Variants in CHRM2 observed in about 807,000 individuals in gnomAD.
CHRM2 encodes muscarinic acetylcholine receptor M2.
A neutral mutation model predicts 25.0 loss-of-function variants in CHRM2; 8 were observed. The ratio of observed to expected loss-of-function variants is 0.32; its 90% CI spans 0.19 to 0.58. CHRM2 has a LOEUF of 0.58. CHRM2 is among the 20% of genes least tolerant of loss of function. The pLI is 0.88. For missense variants in CHRM2, 440 were observed against 567.1 expected, an observed-to-expected ratio of 0.78 and a Z score of 2.28; for synonymous variants, 202 against 205.7, an observed-to-expected ratio of 0.98 and a Z score of 0.15.
chr7:137,004,453 G>A (rs893936665), intron 3 of CHRM2, among the ~76,000 whole-genome samples: 1 of 152,252 alleles, frequency 6.6e-6, no homozygotes, highest in South Asian at 2.1e-4. Flanking sequence ...CAGGTATTTG[G>A]AGAGTCTGGA....
In CHRM2 at chr7:136,918,585, T is replaced by A. The variant is rs142499371; in HGVS notation, c.-125+49167T>A. On this transcript the variant is annotated intron_variant, in intron 2 of 3. Transcript: ENST00000680005. ...AAGTAACAGTTTTTTAAAAAAATAT[T>A]TATTTATTTACTTATTTATTTTATT... Among the ~76,000 whole-genome samples the A allele has an allele frequency of 1.9e-3, 289 of 152,078 alleles. 1 individual carries two copies. The highest frequency in any genetic ancestry group is 6.6e-3 in the African/African-American group (274 of 41,504).
intron 3 of CHRM2, among the ~76,000 whole-genome samples, chr7:137,008,487 A>G (rs1804594916): frequency 6.6e-6 from 1 of 152,052 alleles, no homozygotes; most frequent in African/African-American, 2.4e-5. Flanking sequence ...CTATTCTATC[A>G]GTTTTGGTCA....
At chr7:136,969,585 T>C (rs1801632433) in intron 2 of CHRM2, among the ~76,000 whole-genome samples, 1 of 152,188 alleles carries the variant, frequency 6.6e-6, no homozygotes, top group African/African-American at 2.4e-5. Context: ...GCACACATTC[T>C]TGTCTTCTGA....
intron 2 of CHRM2, among the ~76,000 whole-genome samples, chr7:136,892,661 A>G (rs1796737078): frequency 6.9e-6 from 1 of 145,914 alleles, no homozygotes; most frequent in Non-Finnish European, 1.5e-5. Context: ...AAGTGCTCTT[A>G]TTAAAAGTTC....
chr7:136,975,565 A>G (rs146533353), intron 2 of CHRM2, among the ~76,000 whole-genome samples: 252 of 152,346 alleles, frequency 1.7e-3, no homozygotes, highest in African/African-American at 5.9e-3. Context: ...AATAAAACAT[A>G]ACAAAACCCA....
chr7:136,937,723 T>G (rs78144727), intron 2 of CHRM2, among the ~76,000 whole-genome samples: 2,301 of 152,316 alleles, frequency 0.015, 52 homozygotes, highest in African/African-American at 0.053. Flanking sequence ...ATAAAGAATT[T>G]TCTTGTGATT....
chr7:137,004,074 A>G lies in CHRM2; in HGVS notation c.-46-10746A>G, dbSNP rs184757209. ...GGTATTTCTTCATAGCACTCTGAGAATGGACTAATACAATTGTGCTTCAAG... is the reference window on the plus strand; with the variant it reads ...GGTATTTCTTCATAGCACTCTGAGAGTGGACTAATACAATTGTGCTTCAAG... On this transcript the variant is annotated intron_variant, in intron 3 of 3. Transcript: ENST00000680005. 1.3e-3 allele frequency among the ~76,000 whole-genome samples: 204 copies of G among 152,240 alleles called. 2 individuals carry two copies. The highest frequency in any genetic ancestry group is 4.7e-3 in the African/African-American group (195 of 41,562).
At chr7:137,014,088 G>C (rs2131126388) in intron 3 of CHRM2, among the ~76,000 whole-genome samples, 1 of 152,006 alleles carries the variant, frequency 6.6e-6, no homozygotes, top group South Asian at 2.1e-4. Flanking sequence ...TTTATGCTTT[G>C]GAAAGTCTTA....
intron 2 of CHRM2, among the ~76,000 whole-genome samples, chr7:136,911,897 A>C (rs1044014422): frequency 5.9e-5 from 9 of 152,050 alleles, no homozygotes; most frequent in African/African-American, 2.2e-4. Flanking sequence ...TTGAATTCTC[A>C]CACTATCATC....
At chr7:136,916,237 G>A (rs1798102320) in intron 2 of CHRM2, among the ~76,000 whole-genome samples, 1 of 151,812 alleles carries the variant, frequency 6.6e-6, no homozygotes, top group Non-Finnish European at 1.5e-5. Flanking sequence ...GCAGAAAGCA[G>A]CAGCATAACT....
intron 2 of CHRM2, among the ~76,000 whole-genome samples, chr7:136,952,552 C>G (rs1800476971): frequency 1.3e-5 from 2 of 148,946 alleles, no homozygotes; most frequent in African/African-American, 5.0e-5. Context: ...CTTTAGGAAA[C>G]TGCCTCTCAG....
chr7:136,887,611 C>T (rs1013503579), intron 2 of CHRM2, among the ~76,000 whole-genome samples: 1 of 152,136 alleles, frequency 6.6e-6, no homozygotes, highest in African/African-American at 2.4e-5. Context: ...CTAAACTTGT[C>T]TCTTGAATCA....
intron 2 of CHRM2, among the ~76,000 whole-genome samples, chr7:136,939,068 A>C (rs1476826089): frequency 1.3e-5 from 2 of 151,914 alleles, no homozygotes; most frequent in African/African-American, 4.8e-5. Flanking sequence ...TCCTTTCATA[A>C]CTTCATTCAG....
chr7:136,970,182 G>A (rs1229740173), intron 2 of CHRM2, among the ~76,000 whole-genome samples: 1 of 152,128 alleles, frequency 6.6e-6, no homozygotes, highest in African/African-American at 2.4e-5. Context: ...TAAACATTCA[G>A]TCCATAAGAA....
intron 2 of CHRM2, among the ~76,000 whole-genome samples, chr7:136,889,170 G>A (rs1796596540): frequency 6.6e-6 from 1 of 151,764 alleles, no homozygotes. Context: ...GAGTGTTGGT[G>A]CAAAATTCAG....
chr7:136,896,719 T>G (rs1796917416), intron 2 of CHRM2, among the ~76,000 whole-genome samples: 2 of 152,078 alleles, frequency 1.3e-5, no homozygotes, highest in South Asian at 2.1e-4. Flanking sequence ...GAATATGATG[T>G]GTTTGCCAAA....
At chr7:136,972,342 G>C (rs544369937) in intron 2 of CHRM2, among the ~76,000 whole-genome samples, 2 of 152,172 alleles carry the variant, frequency 1.3e-5, no homozygotes, top group South Asian at 2.1e-4. Context: ...GTCCTTCCTT[G>C]AATCTCTGTC....
At chr7:136,992,308 T>C (rs575875978) in intron 3 of CHRM2, 44 bp downstream of exon 3, 1 of 152,282 alleles carries the variant, frequency 6.6e-6, no homozygotes, top group South Asian at 2.1e-4. Flanking sequence ...AATACATTTA[T>C]AGACAAAACA....
chr7:137,014,982 C>T lies in CHRM2; in HGVS notation c.117C>T (p.Ile39=), dbSNP rs755854009. The T allele has an allele frequency of 5.0e-6, 8 of 1,613,282 alleles. No homozygotes were observed. Among genetic ancestry groups the T allele is most frequent in the South Asian group, 3.3e-5 (3 of 91,072 alleles). Reference sequence around the variant, plus strand: ...GATCCCTCAGTTTGGTGACCATTATCGGGAACATCCTAGTCATGGTTTCCA... The same window carrying T: ...GATCCCTCAGTTTGGTGACCATTATTGGGAACATCCTAGTCATGGTTTCCA... The part of the protein sequence containing the change: ...VAGSLSLVTI[I]GNILVMVSIK... The change falls in exon 4 of 4, where the codon ATC becomes ATT. Residue 39 remains isoleucine, a synonymous_variant. Coordinates refer to ENST00000680005, the MANE Select transcript of CHRM2 (RefSeq NM_001006630.2).
Sources: allele counts gnomAD v4.1 joint callset (sites outside exome capture counted in the v4.1 genomes callset), GRCh38; gene constraint gnomAD v4.1.1; transcripts MANE v1.5; gene names NCBI Gene and HGNC (gene_info 2026-07-23, HGNC 2026-07-21).